The following C3orf20 variants were observed in gnomAD, a reference collection of about 807,000 sequenced individuals.
The protein encoded by C3orf20 is uncharacterized protein C3orf20.
Under a neutral mutation model 88.3 loss-of-function variants are expected in C3orf20, and 76 were observed. The ratio of observed to expected loss-of-function variants is 0.86; its 90% CI spans 0.72 to 1.04. C3orf20 has a LOEUF of 1.04. C3orf20 is among the 50% of genes least tolerant of loss of function. The probability of loss-of-function intolerance (pLI) is 0.00; values close to 1 mark genes in which losing one functional copy is unlikely to be tolerated. For synonymous variants in C3orf20, 436 were observed against 437.4 expected (o/e 1.00, Z 0.04); for missense variants, 1,056 against 1,123.3 (o/e 0.94, Z 0.86).
chr3:14,735,531 C>G (rs993489631), intron 12 of C3orf20, among the ~76,000 whole-genome samples: 1 of 152,030 alleles, frequency 6.6e-6, no homozygotes, highest in East Asian at 1.9e-4. Flanking sequence ...TTGTTTTGCA[C>G]TATTGTTGTC....
chr3:14,733,619 TTG>T (rs942046002), intron 12 of C3orf20, among the ~76,000 whole-genome samples: 1 of 152,178 alleles, frequency 6.6e-6, no homozygotes, highest in African/African-American at 2.4e-5. Flanking sequence ...AGATTTCTTT[TTG>T]TGTTTATTTT....
intron 12 of C3orf20, among the ~76,000 whole-genome samples, chr3:14,733,694 G>GTT (rs56739474): frequency 2.8e-5 from 4 of 142,874 alleles, no homozygotes; most frequent in African/African-American, 2.5e-5. Context: ...GTTGAAGTTG[G>GTT]TTTTTTTTTT....
chr3:14,760,073 A>G, intron 14 of C3orf20, 75 bp downstream of exon 14: 1 of 1,083,326 alleles, frequency 9.2e-7, no homozygotes, highest in Non-Finnish European at 1.4e-6. Context: ...AGAATCACAC[A>G]TGTGGGAGGA....
At chr3:14,723,434 A>G (rs923996305) in intron 10 of C3orf20, among the ~76,000 whole-genome samples, 6 of 152,280 alleles carry the variant, frequency 3.9e-5, no homozygotes, top group Admixed American at 3.3e-4. Context: ...TAGCACCTGC[A>G]GCAGGCCAAG....
At chr3:14,739,209 A>G (rs1461022791) in intron 12 of C3orf20, among the ~76,000 whole-genome samples, 1 of 152,188 alleles carries the variant, frequency 6.6e-6, no homozygotes, top group Non-Finnish European at 1.5e-5. Flanking sequence ...TACAAAATGT[A>G]TTTCTTAGGT....
intron 5 of C3orf20, among the ~76,000 whole-genome samples, chr3:14,693,564 A>G (rs2032833120): frequency 6.6e-6 from 1 of 152,138 alleles, no homozygotes; most frequent in Non-Finnish European, 1.5e-5. Flanking sequence ...AACCTTACTG[A>G]GTTTATCAGT....
intron 5 of C3orf20, among the ~76,000 whole-genome samples, chr3:14,694,868 G>A (rs534935652): frequency 2.6e-5 from 4 of 152,036 alleles, no homozygotes; most frequent in African/African-American, 9.6e-5. Context: ...TCAGCTCACT[G>A]CAACCTCCAC....
chr3:14,721,441 G>A lies in C3orf20; in HGVS notation c.1435-212G>A, dbSNP rs559184710. 1.1e-4 allele frequency among the ~76,000 whole-genome samples: 16 copies of A among 152,368 alleles called. No individual in the cohort carries two copies. The South Asian group carries it at 3.3e-3, about 32-fold the overall frequency. ...TTGGAAAGGGAAGGAGTAGGAATAA[G>A]GAAGCATCATTTACTTTTTCAGTGG... On this transcript the variant is annotated intron_variant, in intron 9 of 16. Coordinates refer to ENST00000253697, the MANE Select transcript of C3orf20 (RefSeq NM_032137.5).
chr3:14,688,547 G>GA (rs900381173), intron 4 of C3orf20, among the ~76,000 whole-genome samples: 5 of 115,994 alleles, frequency 4.3e-5, no homozygotes, highest in African/African-American at 1.5e-4. Flanking sequence ...AAAAAAAAAA[G>GA]AAAAAAAAGA....
chr3:14,759,482 G>C (rs1040362607), intron 13 of C3orf20, among the ~76,000 whole-genome samples: 1 of 152,136 alleles, frequency 6.6e-6, no homozygotes. Flanking sequence ...GGTAGGGAGT[G>C]GGGGAATTCT....
chr3:14,719,549 G>A (rs2034071203), intron 9 of C3orf20, among the ~76,000 whole-genome samples: 1 of 152,164 alleles, frequency 6.6e-6, no homozygotes, highest in African/African-American at 2.4e-5. Flanking sequence ...TGGTTCAGTG[G>A]CCATATCTCT....
rs1454090257 is a variant in C3orf20 at position 14,759,887 on chromosome 3, G to A, written c.2245-4G>A. On this transcript the variant is annotated splice_polypyrimidine_tract_variant and splice_region_variant and intron_variant, in intron 13 of 16. Transcript: ENST00000253697. ...GACCAGTTCTCATATTTCTCTCCTG[G>A]TAGTGCCGGTATGACTCCTACCGCC... 3 of 1,612,312 alleles carry A rather than the reference G, an allele frequency of 1.9e-6. No homozygotes were observed. The South Asian group carries it at 3.3e-5, about 18-fold the overall frequency.
intron 7 of C3orf20, among the ~76,000 whole-genome samples, chr3:14,705,584 A>C (rs570817099): frequency 6.6e-6 from 1 of 152,312 alleles, no homozygotes; most frequent in East Asian, 1.9e-4. Flanking sequence ...CCCTTTACAG[A>C]ATGTCTGGGT....
chr3:14,721,835 G>A lies in C3orf20; in HGVS notation c.1566+51G>A, dbSNP rs777411123. On this transcript the variant is annotated intron_variant, in intron 10 of 16. Transcript: ENST00000253697. ...AGCCCTGACCCCTGGGCATCTCAAC[G>A]TGGGTTGCTGTTTCATATCTCAGGG... 52 of 1,604,302 alleles carry A rather than the reference G, an allele frequency of 3.2e-5. 1 individual carries two copies. The highest frequency in any genetic ancestry group is 1.9e-4 in the South Asian group (17 of 90,100).
intron 5 of C3orf20, among the ~76,000 whole-genome samples, chr3:14,702,192 C>G (rs997408061): frequency 2.0e-5 from 3 of 152,120 alleles, no homozygotes; most frequent in African/African-American, 7.2e-5. Context: ...TTCATGGCAG[C>G]AAGAGAAAAT....
Position 14,704,626 on chromosome 3 carries a change from T to A in C3orf20, c.1160+8T>A. 2.5e-6 allele frequency: 4 copies of A among 1,611,490 alleles called. No homozygotes were observed. The highest frequency in any genetic ancestry group is 2.5e-6 in the Non-Finnish European group (3 of 1,179,896). On this transcript the variant is annotated splice_region_variant and intron_variant, in intron 7 of 16. Transcript: ENST00000253697. ...TGGCTCCTCCTTCGTTTAGTATCCTTTTATTTGGTACCACCCTATCTCCCC... is the reference window on the plus strand; with the variant it reads ...TGGCTCCTCCTTCGTTTAGTATCCTATTATTTGGTACCACCCTATCTCCCC...
Position 14,761,561 on chromosome 3 carries a change from G to A in C3orf20, c.2441G>A (p.Arg814Gln), listed in dbSNP as rs140063791. 3,235 of 1,613,958 alleles carry A rather than the reference G, an allele frequency of 2.0e-3. 5 individuals are homozygous for A. The highest frequency in any genetic ancestry group is 2.1e-3 in the Non-Finnish European group (2,428 of 1,179,932). The part of the protein sequence containing the change: ...SKQNLLKQIF[R>Q]SQQDYKMGYF... Reference sequence around the variant, plus strand: ...CAGAATCTGCTGAAACAGATCTTCCGGTCTCAACAGGATTACAAGATGGGC... The same window carrying A: ...CAGAATCTGCTGAAACAGATCTTCCAGTCTCAACAGGATTACAAGATGGGC... The change falls in exon 15 of 17, where the codon CGG becomes CAG. Residue 814 changes from arginine to glutamine, a missense_variant. Coordinates refer to ENST00000253697, the MANE Select transcript of C3orf20 (RefSeq NM_032137.5).
At chr3:14,683,262 A>G in intron 3 of C3orf20, 65 bp downstream of exon 3, 1 of 1,508,342 alleles carries the variant, frequency 6.6e-7, no homozygotes, top group African/African-American at 1.4e-5. Context: ...TCAGAGGCAC[A>G]TGCTGGGAAC....
chr3:14,764,680 G>C (rs2035654432), intron 15 of C3orf20, among the ~76,000 whole-genome samples: 4 of 152,126 alleles, frequency 2.6e-5, no homozygotes, highest in African/African-American at 9.7e-5. Flanking sequence ...CATACCTGGT[G>C]GTCAGTGTGG....
Sources: gnomAD v4.1 joint callset for allele counts (sites outside exome capture counted in the v4.1 genomes callset) on GRCh38, gnomAD v4.1.1 for gene constraint, MANE v1.5 for transcripts, NCBI Gene and HGNC (gene_info 2026-07-23, HGNC 2026-07-21) for gene names.